The following AATK variants were observed in gnomAD, a reference collection of about 807,000 sequenced individuals.
AATK encodes serine/threonine-protein kinase LMTK1.
In AATK, 91 loss-of-function variants were observed where a neutral mutation model predicts 114.3. That is an observed-to-expected ratio of 0.80 (90% CI 0.67 to 0.95). The LOEUF is 0.95. Among genes scored for constraint, AATK ranks in the 40% least tolerant of loss-of-function variants. AATK has a pLI of 0.00. For missense variants in AATK, 2,176 were observed against 1,965.2 expected (o/e 1.11, Z -2.03); for synonymous variants, 1,075 against 916.5 (o/e 1.17, Z -3.12).
At chr17:81,131,779 C>T in intron 2 of AATK, 3 of 1,229,862 alleles carry the variant, frequency 2.4e-6, no homozygotes, top group South Asian at 2.8e-5. Flanking sequence ...AATTCCATCA[C>T]CCCCTGCCCC....
chr17:81,158,641 G>C (rs915255070), intron 1 of AATK, among the ~76,000 whole-genome samples: 5 of 152,194 alleles, frequency 3.3e-5, no homozygotes, highest in Non-Finnish European at 7.3e-5. Context: ...CCCGACACCA[G>C]GTACAAACCA....
chr17:81,135,855 A>C (rs1005964436), intron 1 of AATK: 1 of 152,660 alleles, frequency 6.6e-6, no homozygotes, highest in East Asian at 1.9e-4. Flanking sequence ...GGGGGCGGCC[A>C]GCAAAGCAAG....
chr17:81,118,921 T>G (rs2060619406), intron 13 of AATK, among the ~76,000 whole-genome samples: 1 of 152,144 alleles, frequency 6.6e-6, no homozygotes. Flanking sequence ...CTGGCAGAGA[T>G]GAGCCCAGCC....
intron 4 of AATK, 47 bp downstream of exon 4, chr17:81,128,423 C>T: frequency 6.5e-7 from 1 of 1,546,746 alleles, no homozygotes; most frequent in Non-Finnish European, 8.7e-7. Context: ...CCCTGTGTCC[C>T]TTCTGCCTCC....
chr17:81,159,086 C>T (rs1408389549), intron 1 of AATK, among the ~76,000 whole-genome samples: 1 of 152,102 alleles, frequency 6.6e-6, no homozygotes, highest in African/African-American at 2.4e-5. Flanking sequence ...GTGATGCCCT[C>T]GGGCATGGGG....
chr17:81,157,066 C>T (rs1033198303), intron 1 of AATK, among the ~76,000 whole-genome samples: 3 of 152,138 alleles, frequency 2.0e-5, no homozygotes, highest in South Asian at 2.1e-4. Context: ...CAGTCACTCC[C>T]GAGACCAGAC....
chr17:81,125,033 G>A lies in AATK; in HGVS notation c.756-19C>T, dbSNP rs1219867570. 6.9e-7 allele frequency: 1 copy of A among 1,444,350 alleles called. No homozygotes were observed. The highest frequency in any genetic ancestry group is 2.6e-5 in the East Asian group (1 of 38,742). The allele number at this position is 1,444,350 out of a possible 1,614,324, so 89.5% of individuals were successfully genotyped here. A position where few individuals can be genotyped will look rare whatever the true frequency, so the allele number is the denominator to read the frequency against. On this transcript the variant is annotated intron_variant, in intron 7 of 13. Coordinates refer to ENST00000326724, the MANE Select transcript of AATK (RefSeq NM_001080395.3). ...CAGGTCGCTGCAGGCAGGGGCAGGGGCAGGGGCAGGGTGAGCAGGGTGAGC... is the reference window on the plus strand; with the variant it reads ...CAGGTCGCTGCAGGCAGGGGCAGGGACAGGGGCAGGGTGAGCAGGGTGAGC...
rs1204753231 is a variant in AATK, at chr17:81,158,074, C to T, written c.55+7864G>A. Among the ~76,000 whole-genome samples, 3 of 152,348 alleles carry T rather than the reference C, an allele frequency of 2.0e-5. No homozygotes were observed. The East Asian group carries it at 5.8e-4, about 29-fold the overall frequency. ...AAGGAGGAAACGGGCAGGTCCATGG[C>T]CAGGGCGGCCGGGCGTCGCGGATGC... On this transcript the variant is annotated intron_variant, in intron 1 of 13. Transcript: ENST00000326724.
rs1598906619 is a variant in AATK at position 81,122,267 on chromosome 17, T to G, written c.1669A>C (p.Thr557Pro). 3.3e-6 allele frequency: 5 copies of G among 1,495,244 alleles called. No homozygotes were observed. The highest frequency in any genetic ancestry group is 3.5e-6 in the Non-Finnish European group (4 of 1,127,818). 92.6% of individuals were successfully genotyped at this position (1,495,244 alleles called of 1,614,324 possible). A position where few individuals can be genotyped will look rare whatever the true frequency, so the allele number is the denominator to read the frequency against. ...TCAGAGTCGTCGTCCTGGTCCGCGG[T>G]GGCAGGTGGACTGGGGGCGCAGCCG... ...CAGCAPSPPA[T>P]ADQDDDSDGS... is the part of the protein sequence containing the mutation. Residue 557 changes from threonine to proline, a missense_variant, in exon 11 of 14, where the codon ACC becomes CCC. Coordinates refer to ENST00000326724, the MANE Select transcript of AATK (RefSeq NM_001080395.3).
At position 81,124,812 on chromosome 17, in the gene AATK, G is replaced by A. The variant is rs1364844278; in HGVS notation, c.877C>T (p.Pro293Ser). 6.2e-7 allele frequency: 1 copy of A among 1,612,324 alleles called. No homozygotes were observed. The highest frequency in any genetic ancestry group is 1.3e-5 in the African/African-American group (1 of 74,940). The change falls in exon 9 of 14, where the codon CCT becomes TCT. Residue 293 changes from proline to serine, a missense_variant. Physicochemically the swap from Pro to Ser is moderately conservative, Grantham distance 74 (BLOSUM62 -1). Coordinates refer to ENST00000326724, the MANE Select transcript of AATK (RefSeq NM_001080395.3). Reference protein sequence around the residue: ...YFVTADQLWVPLRWIAPELVD... With the variant: ...YFVTADQLWVSLRWIAPELVD... ...AGCTCTGGCGCGATCCAGCGCAGAG[G>A]CACCCACAGCTGGTCGGCAGTCACG...
chr17:81,138,541 C>T lies in AATK; in HGVS notation c.56-4040G>A, dbSNP rs560524189. The stretch of plus-strand genomic sequence containing the variant: ...ACCCACACACGTGCACATACACGTT[C>T]GCGTGCACACACGTGCACACATACC... On this transcript the variant is annotated intron_variant, in intron 1 of 13. Coordinates refer to ENST00000326724, the MANE Select transcript of AATK (RefSeq NM_001080395.3). Among the ~76,000 whole-genome samples the T allele has an allele frequency of 2.8e-4, 42 of 149,318 alleles. No homozygotes were observed. In the East Asian group the frequency reaches 7.6e-3, roughly 27 times the overall value.
chr17:81,125,383 C>T (rs762965560), intron 7 of AATK: 1 of 571,710 alleles, frequency 1.7e-6, no homozygotes, highest in South Asian at 1.5e-5. Flanking sequence ...CTATCACTCT[C>T]GGCTCCCCAG....
intron 1 of AATK, among the ~76,000 whole-genome samples, chr17:81,155,389 TATTATTA>T (rs1289328842): frequency 1.1e-4 from 12 of 111,634 alleles, no homozygotes; most frequent in East Asian, 2.5e-4. Flanking sequence ...CTATTATTAT[TATTATTA>T]TTATTTTTTG....
At chr17:81,137,790 T>C (rs755910749) in intron 1 of AATK, among the ~76,000 whole-genome samples, 1 of 151,602 alleles carries the variant, frequency 6.6e-6, no homozygotes, top group Non-Finnish European at 1.5e-5. Context: ...GCACACACTA[T>C]ACACAGGCCA....
chr17:81,148,898 C>G (rs917473565), intron 1 of AATK, among the ~76,000 whole-genome samples: 4 of 134,944 alleles, frequency 3.0e-5, no homozygotes, highest in African/African-American at 1.1e-4. Context: ...AGCAGATGAC[C>G]CTGCTAGTGA....
intron 1 of AATK, among the ~76,000 whole-genome samples, chr17:81,153,506 C>G (rs2061323320): frequency 6.6e-6 from 1 of 152,068 alleles, no homozygotes; most frequent in Non-Finnish European, 1.5e-5. Flanking sequence ...CTGATGACAC[C>G]CCGGAGCGTT....
rs1323811570 is a variant in AATK at position 81,121,971 on chromosome 17, C to T, written c.1965G>A (p.Pro655=). The T allele has an allele frequency of 1.9e-6, 3 of 1,599,862 alleles. No homozygotes were observed. The highest frequency in any genetic ancestry group is 2.2e-5 in the East Asian group (1 of 44,742). The change falls in exon 11 of 14, where the codon CCG becomes CCA. Residue 655 remains proline (P), a synonymous_variant. Transcript: ENST00000326724. ...TSPLGSSGAP[P]LPLTGEDELE... ...GCTCATCCTCGCCAGTCAGCGGCAG[C>T]GGGGGCGCCCCTGAGCTCCCCAAAG...
rs568690399 is a variant in AATK, at chr17:81,152,291, T to TA, written c.55+13646dup. Among the ~76,000 whole-genome samples, 3 of 151,696 alleles carry TA rather than the reference T, an allele frequency of 2.0e-5. No individual in the cohort carries two copies. The South Asian group carries it at 6.2e-4, about 32-fold the overall frequency. ...GACTCAGTCTCAAAAAAAATAAAAA[T>TA]AAAAAATCCTTTGGCCGGGAGTGGT... On this transcript the variant is annotated intron_variant, in intron 1 of 13. Transcript: ENST00000326724.
In AATK at chr17:81,121,905, G is replaced by C. The variant is rs1568220726; in HGVS notation, c.2031C>G (p.His677Gln). 1 of 1,600,696 alleles carries C rather than the reference G, an allele frequency of 6.2e-7. No individual in the cohort carries two copies. Among genetic ancestry groups the C allele is most frequent in the Non-Finnish European group, 8.5e-7 (1 of 1,179,018 alleles). Residue 677 changes from histidine (H) to glutamine (Q), a missense_variant, in exon 11 of 14, where the codon CAC becomes CAG. Physicochemically the swap from His to Gln is conservative, Grantham distance 24. Coordinates refer to ENST00000326724, the MANE Select transcript of AATK (RefSeq NM_001080395.3). The stretch of plus-strand genomic sequence containing the variant: ...TGTTGGCTGACACGTTGGAGCGCCA[G>C]TGCCCGCGCTGGGCGGCCCTCCGCG... The part of the protein sequence containing the change: ...VGARRAAQRG[H>Q]WRSNVSANNN...
Sources: gnomAD v4.1 joint callset for allele counts (sites outside exome capture counted in the v4.1 genomes callset) on GRCh38, gnomAD v4.1.1 for gene constraint, MANE v1.5 for transcripts, NCBI Gene and HGNC (gene_info 2026-07-23, HGNC 2026-07-21) for gene names.